Variants in PTPRR observed in about 807,000 individuals in gnomAD.
PTPRR encodes the protein receptor-type tyrosine-protein phosphatase R.
A neutral mutation model predicts 77.2 loss-of-function variants in PTPRR; 38 were observed. The ratio of observed to expected loss-of-function variants is 0.49; its 90% CI spans 0.38 to 0.65. The LOEUF is 0.65. Among genes scored for constraint, PTPRR ranks in the 30% least tolerant of loss-of-function variants. The pLI is 0.00. For missense variants in PTPRR, 744 were observed against 799.2 expected (o/e 0.93, Z 0.83); for synonymous variants, 299 against 283.1 (o/e 1.06, Z -0.57).
chr12:70,915,734 T>C (rs1481622016), intron 1 of PTPRR, among the ~76,000 whole-genome samples: 2 of 152,166 alleles, frequency 1.3e-5, no homozygotes, highest in African/African-American at 2.4e-5. Context: ...GATAGTGTGT[T>C]TTGGGGGCAT....
intron 6 of PTPRR, among the ~76,000 whole-genome samples, chr12:70,719,874 G>A (rs1205151246): frequency 2.0e-5 from 3 of 152,144 alleles, no homozygotes; most frequent in African/African-American, 7.2e-5. Context: ...TCTTACAATG[G>A]CAACAAGTGT....
At chr12:70,804,524 C>T (rs970038939) in intron 2 of PTPRR, among the ~76,000 whole-genome samples, 5 of 151,918 alleles carry the variant, frequency 3.3e-5, no homozygotes, top group African/African-American at 1.2e-4. Context: ...ATGATCACAC[C>T]ACTGCATTCC....
At chr12:70,768,856 T>G (rs537521727) in intron 2 of PTPRR, among the ~76,000 whole-genome samples, 1 of 151,470 alleles carries the variant, frequency 6.6e-6, no homozygotes. Flanking sequence ...TGGTTCAATA[T>G]ATGCAAATCA....
chr12:70,746,186 C>G (rs1890211060), intron 5 of PTPRR, 100 bp from the exon 6 acceptor site: 10 of 1,147,450 alleles, frequency 8.7e-6, no homozygotes, highest in Non-Finnish European at 1.2e-5. Flanking sequence ...AAAATAAAGG[C>G]TTAACGATAA....
intron 1 of PTPRR, 89 bp downstream of exon 1, chr12:70,920,244 T>C (rs1893835635): frequency 7.1e-7 from 1 of 1,417,614 alleles, no homozygotes; most frequent in African/African-American, 1.4e-5. Context: ...AAGGCTTTCT[T>C]CGCAAGGCAA....
intron 2 of PTPRR, among the ~76,000 whole-genome samples, chr12:70,840,012 T>A (rs1171384259): frequency 6.6e-6 from 1 of 152,186 alleles, no homozygotes; most frequent in African/African-American, 2.4e-5. Context: ...GATTCTGTGA[T>A]TATTCCTGAT....
intron 2 of PTPRR, among the ~76,000 whole-genome samples, chr12:70,862,753 A>T (rs1431842314): frequency 2.6e-5 from 2 of 75,792 alleles, no homozygotes; most frequent in African/African-American, 1.5e-4. Context: ...TAATAAAATA[A>T]AAAAAAGGGA....
intron 5 of PTPRR, among the ~76,000 whole-genome samples, chr12:70,753,177 C>G (rs1890456185): frequency 6.6e-6 from 1 of 152,116 alleles, no homozygotes; most frequent in African/African-American, 2.4e-5. Context: ...TGTTTTATAT[C>G]CTCTAAGTTT....
chr12:70,802,371 A>C (rs1318838709), intron 2 of PTPRR, among the ~76,000 whole-genome samples: 1 of 152,186 alleles, frequency 6.6e-6, no homozygotes, highest in Non-Finnish European at 1.5e-5. Flanking sequence ...TATATTGAGA[A>C]GACTTATGTA....
At chr12:70,830,644 A>G (rs901705359) in intron 2 of PTPRR, among the ~76,000 whole-genome samples, 1 of 152,228 alleles carries the variant, frequency 6.6e-6, no homozygotes, top group Admixed American at 6.5e-5. Flanking sequence ...GTGATGGACA[A>G]CACCATTGCC....
intron 12 of PTPRR, among the ~76,000 whole-genome samples, chr12:70,658,961 G>A (rs1886693257): frequency 7.1e-6 from 1 of 140,366 alleles, no homozygotes; most frequent in Non-Finnish European, 1.5e-5. Flanking sequence ...GAAATACAGT[G>A]GCGGGATCTT....
At chr12:70,702,793 T>C (rs114592364) in intron 6 of PTPRR, among the ~76,000 whole-genome samples, 8,217 of 152,246 alleles carry the variant, frequency 0.054, 292 homozygotes, top group African/African-American at 0.094. Context: ...TTATAATTTC[T>C]AGTTATAGTT....
chr12:70,666,573 T>C (rs1434631771), intron 10 of PTPRR, among the ~76,000 whole-genome samples: 2 of 152,170 alleles, frequency 1.3e-5, no homozygotes, highest in Admixed American at 1.3e-4. Context: ...AGTTTTTCAC[T>C]GGTGAAAAAA....
chr12:70,751,650 C>A (rs1349161888), intron 5 of PTPRR, among the ~76,000 whole-genome samples: 1 of 152,118 alleles, frequency 6.6e-6, no homozygotes, highest in African/African-American at 2.4e-5. Flanking sequence ...ATGGTTTCTT[C>A]TTCATAGCAC....
At chr12:70,836,564 C>T (rs1349821400) in intron 2 of PTPRR, among the ~76,000 whole-genome samples, 2 of 151,980 alleles carry the variant, frequency 1.3e-5, no homozygotes, top group Non-Finnish European at 2.9e-5. Flanking sequence ...CCCTTCTCAT[C>T]ACTCTCCTGC....
chr12:70,912,920 T>C (rs1893720973), intron 1 of PTPRR, among the ~76,000 whole-genome samples: 1 of 152,120 alleles, frequency 6.6e-6, no homozygotes, highest in East Asian at 1.9e-4. Context: ...GTGTCAGCAT[T>C]TGTAAATGCC....
At chr12:70,654,761 A>G (rs1886516891) in intron 13 of PTPRR, among the ~76,000 whole-genome samples, 2 of 152,248 alleles carry the variant, frequency 1.3e-5, no homozygotes, top group African/African-American at 2.4e-5. Context: ...CTGTATTTGC[A>G]GCATCTAGAC....
At chr12:70,700,032 G>T (rs933730782) in intron 7 of PTPRR, among the ~76,000 whole-genome samples, 4 of 152,146 alleles carry the variant, frequency 2.6e-5, no homozygotes, top group Non-Finnish European at 5.9e-5. Flanking sequence ...TGTGCCTTTG[G>T]CTAGCTGTGT....
chr12:70,728,472 G>A (rs1889529908), intron 6 of PTPRR, among the ~76,000 whole-genome samples: 1 of 10,766 alleles, frequency 9.3e-5, no homozygotes, highest in African/African-American at 1.2e-4. Flanking sequence ...ACATATATGT[G>A]TATATATATA....
Sources: allele counts gnomAD v4.1 joint callset (sites outside exome capture counted in the v4.1 genomes callset), GRCh38; gene constraint gnomAD v4.1.1; transcripts MANE v1.5; gene names NCBI Gene and HGNC (gene_info 2026-07-23, HGNC 2026-07-21).